The following NDE1 variants were observed in gnomAD, a reference collection of about 807,000 sequenced individuals.
NDE1 encodes nudE neurodevelopment protein 1, also known as nuclear distribution protein nudE homolog 1.
NDE1 carries 28 observed loss-of-function variants against 43.4 expected under a neutral mutation model. The observed-to-expected ratio is 0.65, with a 90% CI of 0.48 to 0.89. The LOEUF is 0.89. NDE1 is among the 40% of genes least tolerant of loss of function. The probability of loss-of-function intolerance (pLI) is 0.00; values close to 1 mark genes in which losing one functional copy is unlikely to be tolerated. For synonymous variants in NDE1, 184 were observed against 172.0 expected (o/e 1.07, Z -0.55); for missense variants, 441 against 434.1 (o/e 1.02, Z -0.14).
Position 15,725,142 on chromosome 16 carries a change from A to T in NDE1, c.*891A>T, listed in dbSNP as rs2040688631. ...GAGGTATGGGACTCTGATAAAAAAA[A>T]AAAAAAACACACACACACACAAAAA... is the stretch of plus-strand genomic sequence containing the variant. On this transcript the variant is annotated 3_prime_UTR_variant, in exon 9 of 9. Coordinates refer to ENST00000396354, the MANE Select transcript of NDE1 (RefSeq NM_017668.3). 5 of 663,976 alleles carry T rather than the reference A, an allele frequency of 7.5e-6. No individual in the cohort carries two copies. In the South Asian group the frequency reaches 8.6e-5, roughly 11 times the overall value. The allele number at this position is 663,976 out of a possible 1,614,324, so 41.1% of individuals were successfully genotyped here. A position where few individuals can be genotyped will look rare whatever the true frequency, so the allele number is the denominator to read the frequency against.
chr16:15,684,631 A>G (rs1247901785), intron 4 of NDE1: 1 of 151,932 alleles, frequency 6.6e-6, no homozygotes, highest in African/African-American at 2.4e-5. Flanking sequence ...CAGAAGCAAA[A>G]TAGATTTTGA....
At chr16:15,700,998 G>T (rs1172124286) in intron 8 of NDE1, among the ~76,000 whole-genome samples, 1 of 152,118 alleles carries the variant, frequency 6.6e-6, no homozygotes, top group Non-Finnish European at 1.5e-5. Flanking sequence ...GACTTTGGAA[G>T]GCCGAGGCGG....
intron 8 of NDE1, chr16:15,719,521 AG>A: frequency 6.2e-7 from 1 of 1,610,098 alleles, no homozygotes; most frequent in Non-Finnish European, 8.5e-7. Context: ...CACAGACTGG[AG>A]CTGCCAAGGG....
At position 15,700,588 on chromosome 16, in the gene NDE1, A is replaced by G. The variant is rs35246052; in HGVS notation, c.947+3728A>G. The G allele has an allele frequency of 3.9e-3, 591 of 151,614 alleles. 13 individuals carry two copies. Among genetic ancestry groups the G allele is most frequent in the South Asian group, 0.025 (122 of 4,788 alleles). 9.4% of individuals were successfully genotyped at this position (151,614 alleles called of 1,614,324 possible). A position where few individuals can be genotyped will look rare whatever the true frequency, so the allele number is the denominator to read the frequency against. ...TATCTCAGCTTCCCAAGTAGCTGGGACTACAGGAGTGTGCCACTACACCCA... is the reference window on the plus strand; with the variant it reads ...TATCTCAGCTTCCCAAGTAGCTGGGGCTACAGGAGTGTGCCACTACACCCA... On this transcript the variant is annotated intron_variant, in intron 8 of 8. Transcript: ENST00000396354.
chr16:15,655,868 C>T (rs2036736009), intron 1 of NDE1, among the ~76,000 whole-genome samples: 1 of 150,892 alleles, frequency 6.6e-6, no homozygotes, highest in Non-Finnish European at 1.5e-5. Context: ...TCTCAGTAAA[C>T]TATTGCAAGA....
At position 15,707,946 on chromosome 16, in the gene NDE1, C is replaced by T. The variant is rs1294352267; in HGVS notation, c.947+11086C>T. ...AAGATTGCGCCATTGCACTCCAGAGCGAGACTCCGTCTCAAAAAAAAAAAA... is the reference window on the plus strand; with the variant it reads ...AAGATTGCGCCATTGCACTCCAGAGTGAGACTCCGTCTCAAAAAAAAAAAA... On this transcript the variant is annotated intron_variant, in intron 8 of 8. Coordinates refer to ENST00000396354, the MANE Select transcript of NDE1 (RefSeq NM_017668.3). Among the ~76,000 whole-genome samples the T allele has an allele frequency of 3.7e-4, 48 of 128,888 alleles. 2 individuals carry two copies. The highest frequency in any genetic ancestry group is 2.5e-4 in the South Asian group (1 of 4,008). 84.6% of individuals were successfully genotyped at this position (128,888 alleles called of 152,430 possible).
Position 15,694,152 on chromosome 16 carries a change from T to G in NDE1, c.704-13T>G. ...GGTTGGTGAGTTACATGCTCTTCCCTTTGCACACCCAGGCCTGGACGACTC... is the reference window on the plus strand; with the variant it reads ...GGTTGGTGAGTTACATGCTCTTCCCGTTGCACACCCAGGCCTGGACGACTC... On this transcript the variant is annotated splice_polypyrimidine_tract_variant and intron_variant, in intron 6 of 8. Coordinates refer to ENST00000396354, the MANE Select transcript of NDE1 (RefSeq NM_017668.3). 6.2e-7 allele frequency: 1 copy of G among 1,612,044 alleles called. No individual in the cohort carries two copies. The highest frequency in any genetic ancestry group is 8.5e-7 in the Non-Finnish European group (1 of 1,179,932).
chr16:15,708,342 C>T (rs1294092468), intron 8 of NDE1, among the ~76,000 whole-genome samples: 3 of 152,154 alleles, frequency 2.0e-5, no homozygotes, highest in Admixed American at 6.5e-5. Flanking sequence ...CCAGACCAGC[C>T]AACTAGAAGC....
chr16:15,719,865 G>T, intron 8 of NDE1: 1 of 1,201,536 alleles, frequency 8.3e-7, no homozygotes, highest in Non-Finnish European at 1.2e-6. Flanking sequence ...GTTCCAGGTG[G>T]CTGGTGGTGC....
chr16:15,673,499 C>T (rs1010531865), intron 3 of NDE1, among the ~76,000 whole-genome samples: 3 of 151,784 alleles, frequency 2.0e-5, no homozygotes, highest in East Asian at 3.9e-4. Context: ...ACCACTATGC[C>T]GGGCTAATTT....
At chr16:15,722,268 C>T (rs1175348990) in intron 8 of NDE1, among the ~76,000 whole-genome samples, 1 of 152,120 alleles carries the variant, frequency 6.6e-6, no homozygotes, top group Non-Finnish European at 1.5e-5. Flanking sequence ...GTTTCATGGC[C>T]ACAAGTAGCT....
At position 15,724,478 on chromosome 16, in the gene NDE1, ACT is replaced by A; in HGVS notation, c.*230_*231del. 6.2e-7 allele frequency: 1 copy of A among 1,609,586 alleles called. No individual in the cohort carries two copies. The highest frequency in any genetic ancestry group is 1.1e-5 in the South Asian group (1 of 90,872). Reference sequence around the variant, plus strand: ...GTGGCCCCTGTCCCTGGCCCCACAGACTCTGAGAAGCGAAGACCATGTCTCCT... The same window carrying A: ...GTGGCCCCTGTCCCTGGCCCCACAGACTGAGAAGCGAAGACCATGTCTCCT... On this transcript the variant is annotated 3_prime_UTR_variant, in exon 9 of 9. Coordinates refer to ENST00000396354, the MANE Select transcript of NDE1 (RefSeq NM_017668.3).
At chr16:15,697,708 A>G (rs1305093722) in intron 8 of NDE1, among the ~76,000 whole-genome samples, 2 of 152,098 alleles carry the variant, frequency 1.3e-5, no homozygotes, top group Non-Finnish European at 2.9e-5. Flanking sequence ...GCAAGACTCC[A>G]TATCAAAAAG....
intron 8 of NDE1, chr16:15,704,162 T>A: frequency 6.2e-7 from 1 of 1,612,076 alleles, no homozygotes; most frequent in Non-Finnish European, 8.5e-7. Flanking sequence ...AGCAAAGAAA[T>A]CTTCATGGTT....
At chr16:15,700,092 G>A (rs751250534) in intron 8 of NDE1, 333 of 1,155,350 alleles carry the variant, frequency 2.9e-4, no homozygotes, top group Admixed American at 4.5e-4. Flanking sequence ...AGTTGTCGGT[G>A]ATGAGGCTAC....
chr16:15,645,814 A>G (rs1335794748), upstream of NDE1, among the ~76,000 whole-genome samples: 2 of 152,184 alleles, frequency 1.3e-5, no homozygotes, highest in Non-Finnish European at 2.9e-5. Context: ...GCTACTTTAC[A>G]TGCAATTCAG....
At chr16:15,703,019 T>G (rs1225805697) in intron 8 of NDE1, among the ~76,000 whole-genome samples, 2 of 152,188 alleles carry the variant, frequency 1.3e-5, no homozygotes, top group Non-Finnish European at 1.5e-5. Flanking sequence ...CCTCAGTTTC[T>G]GCATTCATGA....
chr16:15,719,389 C>T (rs543559509), intron 8 of NDE1: 8 of 1,517,564 alleles, frequency 5.3e-6, no homozygotes, highest in African/African-American at 1.4e-5. Context: ...ACTCAGCCAC[C>T]CTTGAAAGTA....
At chr16:15,653,090 G>T (rs2036583914) in intron 1 of NDE1, among the ~76,000 whole-genome samples, 1 of 152,142 alleles carries the variant, frequency 6.6e-6, no homozygotes, top group Non-Finnish European at 1.5e-5. Context: ...GCATCCTCCA[G>T]ACCCTTTTCT....
Sources: gnomAD v4.1 joint callset for allele counts (sites outside exome capture counted in the v4.1 genomes callset) on GRCh38, gnomAD v4.1.1 for gene constraint, MANE v1.5 for transcripts, NCBI Gene and HGNC (gene_info 2026-07-23, HGNC 2026-07-21) for gene names.